Variants in GLB1L observed in about 807,000 individuals in gnomAD.
GLB1L encodes the protein beta-galactosidase-1-like protein.
A neutral mutation model predicts 75.7 loss-of-function variants in GLB1L; 58 were observed. The observed-to-expected ratio is 0.77, with a 90% confidence interval of 0.62 to 0.95. The LOEUF (loss-of-function observed/expected upper bound fraction) is 0.95, where lower values mean the gene tolerates loss of function less well. Ranked by LOEUF, GLB1L falls within the 40% of genes least tolerant of loss-of-function variation. The pLI is 0.00. For missense variants in GLB1L, 797 were observed against 805.5 expected (o/e 0.99, Z 0.13); for synonymous variants, 296 against 303.0 (o/e 0.98, Z 0.24).
chr2:219,238,634 G>A (rs202221491), intron 12 of GLB1L, 50 bp from the exon 13 acceptor site: 4 of 1,599,862 alleles, frequency 2.5e-6, no homozygotes, highest in Middle Eastern at 1.7e-4. Context: ...TTTCTGGATA[G>A]AGGACAAGAA....
Position 219,236,903 on chromosome 2 carries a change from T to A in GLB1L, c.*169A>T. 2 of 547,956 alleles carry A rather than the reference T, an allele frequency of 3.6e-6. No homozygotes were observed. The highest frequency in any genetic ancestry group is 6.5e-6 in the Non-Finnish European group (2 of 307,714). 33.9% of individuals were successfully genotyped at this position (547,956 alleles called of 1,614,324 possible). A position where few individuals can be genotyped will look rare whatever the true frequency, so the allele number is the denominator to read the frequency against. On this transcript the variant is annotated 3_prime_UTR_variant, in exon 17 of 17. Transcript: ENST00000295759. Reference sequence around the variant, plus strand: ...CCCTCAGCCTCCCAAGTAGCTGGGATTAGAGGTGCCCACCATCACGCCCGG... The same window carrying A: ...CCCTCAGCCTCCCAAGTAGCTGGGAATAGAGGTGCCCACCATCACGCCCGG...
At chr2:219,240,762 A>G (rs1363454293) in intron 5 of GLB1L, among the ~76,000 whole-genome samples, 4 of 148,806 alleles carry the variant, frequency 2.7e-5, no homozygotes, top group Middle Eastern at 7.7e-3. Context: ...ACAAACAAAA[A>G]TGGTGGTATA....
At position 219,238,333 on chromosome 2, in the gene GLB1L, T is replaced by C; in HGVS notation, c.1258A>G (p.Met420Val). The C allele has an allele frequency of 1.2e-6, 2 of 1,612,252 alleles. No homozygotes were observed. Among genetic ancestry groups the C allele is most frequent in the Non-Finnish European group, 1.7e-6 (2 of 1,178,994 alleles). Reference protein sequence around the residue: ...DHGFMLYRTYMTHTIFEPTPF... With the variant: ...DHGFMLYRTYVTHTIFEPTPF... ...GTTGGCTCAAAAATGGTATGGGTCA[T>C]ATAGGTTCGGTACAACATGAAGCCA... Residue 420 changes from methionine to valine, a missense_variant, in exon 14 of 17, where the codon ATG (methionine) becomes GTG (valine). Transcript: ENST00000295759.
At position 219,237,942 on chromosome 2, in the gene GLB1L, C is replaced by G; in HGVS notation, c.1357G>C (p.Val453Leu). 6.2e-7 allele frequency: 1 copy of G among 1,614,154 alleles called. No individual in the cohort carries two copies. The highest frequency in any genetic ancestry group is 8.5e-7 in the Non-Finnish European group (1 of 1,180,008). ...VMVDGVFQGV[V>L]ERNMRDKLFL... ...AGTTTGTCTCTCATATTTCGCTCCA[C>G]AACACCCTGGAACACCTGTGGATAG... The change falls in exon 15 of 17, where the codon GTG (valine) becomes CTG (leucine). Residue 453 changes from valine to leucine, a missense_variant. Physicochemically the swap from Val to Leu is conservative, Grantham distance 32. Transcript: ENST00000295759.
rs1274546351 is a variant in GLB1L, at chr2:219,242,289, G to T, written c.451+225C>A. ...CAGGCATGAGCCACCGCGCCCAGCTGTTTTTTTTTTTTTTAATCAGTTTCT... is the reference window on the plus strand; with the variant it reads ...CAGGCATGAGCCACCGCGCCCAGCTTTTTTTTTTTTTTTTAATCAGTTTCT... On this transcript the variant is annotated intron_variant, in intron 5 of 16. Coordinates refer to ENST00000295759, the MANE Select transcript of GLB1L (RefSeq NM_001286423.2). Among the ~76,000 whole-genome samples, 2 of 146,444 alleles carry T rather than the reference G, an allele frequency of 1.4e-5. 1 individual carries two copies. Among genetic ancestry groups the T allele is most frequent in the South Asian group, 4.3e-4 (2 of 4,672 alleles).
intron 1 of GLB1L, among the ~76,000 whole-genome samples, chr2:219,245,018 A>C (rs1489040476): frequency 6.6e-6 from 1 of 152,222 alleles, no homozygotes; most frequent in Non-Finnish European, 1.5e-5. Context: ...GCATGCTATT[A>C]ACACTCAATT....
chr2:219,241,064 G>C (rs993939290), intron 5 of GLB1L, among the ~76,000 whole-genome samples: 16 of 151,906 alleles, frequency 1.1e-4, no homozygotes, highest in Admixed American at 6.6e-5. Flanking sequence ...CTGGGCAACA[G>C]AGCAAGACTC....
chr2:219,241,807 G>A (rs192510399), intron 5 of GLB1L, among the ~76,000 whole-genome samples: 58 of 152,106 alleles, frequency 3.8e-4, no homozygotes, highest in African/African-American at 1.3e-3. Context: ...ACTTATACTT[G>A]AACAGGATCA....
At position 219,243,191 on chromosome 2, in the gene GLB1L, G is replaced by A. The variant is rs748981926; in HGVS notation, c.196C>T (p.Arg66Trp). 5.1e-5 allele frequency: 82 copies of A among 1,613,542 alleles called. No homozygotes were observed. Among genetic ancestry groups the A allele is most frequent in the Non-Finnish European group, 6.6e-5 (78 of 1,179,802 alleles). Residue 66 changes from arginine (R) to tryptophan (W), a missense_variant, in exon 3 of 17, where the codon CGG becomes TGG. Arg to Trp is a moderately radical substitution (Grantham distance 101, BLOSUM62 -3). Coordinates refer to ENST00000295759, the MANE Select transcript of GLB1L (RefSeq NM_001286423.2). ...FRVPRVLWAD[R>W]LLKMRWSGLN... ...CCGCTCCATCGCATCTTCAAAAGCC[G>A]GTCGGCCCAAAGCACCCGCGGTACC...
At position 219,238,689 on chromosome 2, in the gene GLB1L, A is replaced by G. The variant is rs200348120; in HGVS notation, c.1137+16T>C. On this transcript the variant is annotated intron_variant, in intron 12 of 16. Coordinates refer to ENST00000295759, the MANE Select transcript of GLB1L (RefSeq NM_001286423.2). ...AAAAAGGTGTGGTATAAGAGAAAAG[A>G]TGTGGAGGAACTTACCAGGTGCAGA... is the stretch of plus-strand genomic sequence containing the variant. 14 of 1,600,990 alleles carry G rather than the reference A, an allele frequency of 8.7e-6. No homozygotes were observed. The African/African-American group carries it at 1.9e-4, about 21-fold the overall frequency.
chr2:219,242,459 C>T, intron 5 of GLB1L, 55 bp downstream of exon 5: 1 of 1,302,646 alleles, frequency 7.7e-7, no homozygotes, highest in Non-Finnish European at 1.1e-6. Flanking sequence ...TTTTGGCACC[C>T]AAATAGCCCA....
Position 219,238,283 on chromosome 2 carries a change from T to TC in GLB1L, c.1307dup (p.Val437SerfsTer3), listed in dbSNP as rs759772558. 8 of 1,612,222 alleles carry TC rather than the reference T, an allele frequency of 5.0e-6. No individual in the cohort carries two copies. Among genetic ancestry groups the TC allele is most frequent in the South Asian group, 4.4e-5 (4 of 90,920 alleles). ...CCATCACATAGGCACGGTCATGGAC[T>TC]CCATTATTTGGCACCCAGAATGGTG... is the stretch of plus-strand genomic sequence containing the variant. On this transcript the variant is annotated frameshift_variant, in exon 14 of 17. Transcript: ENST00000295759. LOFTEE classifies it high-confidence loss of function.
chr2:219,244,386 A>C (rs970289064), intron 1 of GLB1L, among the ~76,000 whole-genome samples: 8 of 152,270 alleles, frequency 5.3e-5, no homozygotes, highest in African/African-American at 1.9e-4. Context: ...CAATGTCATA[A>C]CCAAAAGGCT....
intron 8 of GLB1L, 43 bp downstream of exon 8, chr2:219,239,732 C>G: frequency 6.2e-7 from 1 of 1,614,174 alleles, no homozygotes; most frequent in Non-Finnish European, 8.5e-7. Context: ...TGAGCTGGAC[C>G]CATTCCTATC....
Position 219,239,655 on chromosome 2 carries a change from G to T in GLB1L, c.808C>A (p.Leu270Met). 1.2e-6 allele frequency: 2 copies of T among 1,614,180 alleles called. No individual in the cohort carries two copies. The highest frequency in any genetic ancestry group is 1.6e-4 in the Middle Eastern group (1 of 6,062). Residue 270 changes from leucine (L) to methionine (M), a missense_variant, in exon 9 of 17, where the codon CTG (leucine) becomes ATG (methionine). Leu to Met is a conservative substitution (Grantham distance 15). Coordinates refer to ENST00000295759, the MANE Select transcript of GLB1L (RefSeq NM_001286423.2). The part of the protein sequence containing the change: ...LVNSEYYTGW[L>M]DYWGQNHSTR... ...GAGTGATTCTGGCCCCAGTAATCCAGCCAGCCTGTGTAGTACTCAGAGTTT... is the reference window on the plus strand; with the variant it reads ...GAGTGATTCTGGCCCCAGTAATCCATCCAGCCTGTGTAGTACTCAGAGTTT...
rs1182270851 is a variant in GLB1L, at chr2:219,245,280, T to A, written c.-122A>T. ...GGGGGCCTCGGGCCGAGCCCGGCTT[T>A]GCTCCCCTTTGGCGTAGGTGCCTGC... On this transcript the variant is annotated 5_prime_UTR_variant, in exon 1 of 17. Transcript: ENST00000295759. The A allele has an allele frequency of 6.6e-6, 1 of 152,470 alleles. No homozygotes were observed. The highest frequency in any genetic ancestry group is 2.4e-5 in the African/African-American group (1 of 41,474). 9.4% of individuals were successfully genotyped at this position (152,470 alleles called of 1,614,324 possible).
Position 219,239,263 on chromosome 2 carries a change from T to A in GLB1L, c.944-53A>T, listed in dbSNP as rs573301219. ...AACATGTATTTCAGATGACAGGCAC[T>A]ACTAAGCATGCTTCATGCAGAGAAT... On this transcript the variant is annotated intron_variant, in intron 10 of 16. Transcript: ENST00000295759. The A allele has an allele frequency of 1.8e-5, 28 of 1,517,062 alleles. No homozygotes were observed. In the African/African-American group the frequency reaches 3.4e-4, roughly 19 times the overall value. The allele number at this position is 1,517,062 out of a possible 1,614,324, so 94.0% of individuals were successfully genotyped here.
rs751400969 is a variant in GLB1L, at chr2:219,238,720, A to G, written c.1122T>C (p.Pro374=). 2.5e-6 allele frequency: 4 copies of G among 1,613,914 alleles called. No individual in the cohort carries two copies. In the East Asian group the frequency reaches 8.9e-5, roughly 36 times the overall value. The part of the protein sequence containing the change: ...PPPSPKMMLG[P]VTLHLVGHLL... The stretch of plus-strand genomic sequence containing the variant: ...AGGAACTTACCAGGTGCAGAGTCAC[A>G]GGTCCAAGCATCATCTTGGGGCTCG... The change falls in exon 12 of 17, where the codon CCT becomes CCC. Residue 374 remains proline (P), a synonymous_variant. Coordinates refer to ENST00000295759, the MANE Select transcript of GLB1L (RefSeq NM_001286423.2).
rs139367553 is a variant in GLB1L at position 219,242,860 on chromosome 2, G to C, written c.298C>G (p.Arg100Gly). Residue 100 changes from arginine (R) to glycine (G), a missense_variant, in exon 4 of 17, where the codon CGG becomes GGG. Transcript: ENST00000295759. ...TCATTCAGAAAGGCAATGAGGTCCC[G>C]GCTGCCATTAAAGTTATAGACCCCA... is the stretch of plus-strand genomic sequence containing the variant. ...QPGVYNFNGSRDLIAFLNEAA... is the reference protein window; with the variant it reads ...QPGVYNFNGSGDLIAFLNEAA... 6 of 1,614,176 alleles carry C rather than the reference G, an allele frequency of 3.7e-6. No individual in the cohort carries two copies. Among genetic ancestry groups the C allele is most frequent in the Non-Finnish European group, 5.1e-6 (6 of 1,180,028 alleles).
Sources: allele counts gnomAD v4.1 joint callset (sites outside exome capture counted in the v4.1 genomes callset), GRCh38; gene constraint gnomAD v4.1.1; transcripts MANE v1.5; gene names NCBI Gene and HGNC (gene_info 2026-07-23, HGNC 2026-07-21).